LVRN: variants seen among roughly 807,000 people sequenced by gnomAD.
LVRN encodes the protein aminopeptidase Q.
LVRN carries 99 observed loss-of-function variants against 111.4 expected under a neutral mutation model. The observed-to-expected ratio is 0.89, with a 90% CI of 0.76 to 1.05. The LOEUF (loss-of-function observed/expected upper bound fraction) is 1.05, where lower values mean the gene tolerates loss of function less well. LVRN is among the 50% of genes least tolerant of loss of function. LVRN has a pLI of 0.00. For synonymous variants in LVRN, 488 were observed against 449.5 expected (o/e 1.09, Z -1.08); for missense variants, 1,414 against 1,206.8 (o/e 1.17, Z -2.54).
rs887264793 is a variant in LVRN at position 115,993,767 on chromosome 5, T to A, written c.1287T>A (p.Asn429Lys). 42 of 1,608,492 alleles carry A rather than the reference T, an allele frequency of 2.6e-5. No homozygotes were observed. Among genetic ancestry groups the A allele is most frequent in the Non-Finnish European group, 3.3e-5 (39 of 1,178,658 alleles). Reference sequence around the variant, plus strand: ...GGTTTGGAAACTTGGTTACCATGAATTGGTGGAACAATATCTGGCTCAACG... The same window carrying A: ...GGTTTGGAAACTTGGTTACCATGAAATGGTGGAACAATATCTGGCTCAACG... The part of the protein sequence containing the change: ...HQWFGNLVTM[N>K]WWNNIWLNEG... Residue 429 changes from asparagine to lysine, a missense_variant, in exon 6 of 20, where the codon AAT becomes AAA. By Grantham distance (94) the Asn-to-Lys change is moderately conservative. Transcript: ENST00000357872.
chr5:115,968,557 G>C (rs1418170990), intron 1 of LVRN, among the ~76,000 whole-genome samples: 3 of 151,012 alleles, frequency 2.0e-5, no homozygotes, highest in African/African-American at 7.3e-5. Context: ...TCTTGTCTCA[G>C]CCTCCTGACT....
intron 13 of LVRN, among the ~76,000 whole-genome samples, chr5:116,007,738 G>T (rs1314584593): frequency 1.3e-5 from 2 of 152,164 alleles, no homozygotes; most frequent in African/African-American, 4.8e-5. Flanking sequence ...TTGAAGATTT[G>T]TGATAACTCT....
chr5:115,999,516 T>C (rs115117803), intron 6 of LVRN, among the ~76,000 whole-genome samples: 1,721 of 152,316 alleles, frequency 0.011, 36 homozygotes, highest in African/African-American at 0.033. Flanking sequence ...GGAAACCACA[T>C]TAACTTTGTA....
intron 17 of LVRN, 99 bp downstream of exon 17, chr5:116,015,518 C>T (rs923098876): frequency 6.8e-6 from 10 of 1,462,534 alleles, no homozygotes; most frequent in East Asian, 4.8e-5. Flanking sequence ...TAAAACGTTG[C>T]GTATTTGTGC....
chr5:115,976,555 A>G (rs1406829316), intron 1 of LVRN, among the ~76,000 whole-genome samples: 1 of 152,124 alleles, frequency 6.6e-6, no homozygotes, highest in Non-Finnish European at 1.5e-5. Context: ...TTTATTTCTC[A>G]TATAGGCATT....
At chr5:115,968,793 C>T (rs1753257922) in intron 1 of LVRN, among the ~76,000 whole-genome samples, 1 of 152,130 alleles carries the variant, frequency 6.6e-6, no homozygotes, top group Non-Finnish European at 1.5e-5. Flanking sequence ...AGTAAGTATT[C>T]CCAGGAAAAA....
chr5:116,013,782 T>G (rs183042951), intron 15 of LVRN, among the ~76,000 whole-genome samples: 33 of 152,306 alleles, frequency 2.2e-4, no homozygotes, highest in African/African-American at 6.7e-4. Flanking sequence ...AGGCATCACT[T>G]ACCTGGATTT....
In LVRN at chr5:115,962,723, T is replaced by A. The variant is rs767621151; in HGVS notation, c.106T>A (p.Leu36Met). ...LLLALAVLAA[L>M]YGHCERVPPS... ...GCTGGCGCTGGCCGTACTCGCCGCCTTGTACGGCCACTGCGAGCGCGTCCC... is the reference window on the plus strand; with the variant it reads ...GCTGGCGCTGGCCGTACTCGCCGCCATGTACGGCCACTGCGAGCGCGTCCC... The change falls in exon 1 of 20, where the codon TTG becomes ATG. Residue 36 changes from leucine to methionine, a missense_variant. Coordinates refer to ENST00000357872, the MANE Select transcript of LVRN (RefSeq NM_173800.5). The A allele has an allele frequency of 6.2e-7, 1 of 1,612,106 alleles. No homozygotes were observed. The highest frequency in any genetic ancestry group is 8.5e-7 in the Non-Finnish European group (1 of 1,179,658).
chr5:115,990,161 C>A (rs749283980), intron 4 of LVRN, among the ~76,000 whole-genome samples: 1 of 152,098 alleles, frequency 6.6e-6, no homozygotes, highest in Non-Finnish European at 1.5e-5. Context: ...CATTTTAATT[C>A]ACTCTCAAGT....
chr5:115,999,372 T>C (rs1306788068), intron 6 of LVRN, among the ~76,000 whole-genome samples: 2 of 152,184 alleles, frequency 1.3e-5, no homozygotes, highest in African/African-American at 2.4e-5. Context: ...TAAATATTCA[T>C]GAAAGAGAGA....
chr5:116,005,653 T>A, intron 12 of LVRN: 1 of 499,804 alleles, frequency 2.0e-6, no homozygotes, highest in South Asian at 1.9e-5. Flanking sequence ...ATGGTATGTT[T>A]CAGGAGTATT....
intron 4 of LVRN, among the ~76,000 whole-genome samples, chr5:115,989,299 C>T (rs1243969103): frequency 2.0e-5 from 3 of 152,186 alleles, no homozygotes; most frequent in Non-Finnish European, 2.9e-5. Flanking sequence ...GGGAAGGATG[C>T]TCTAGCACTG....
chr5:116,002,202 T>G (rs1164771010), intron 10 of LVRN, among the ~76,000 whole-genome samples: 1 of 152,198 alleles, frequency 6.6e-6, no homozygotes, highest in Non-Finnish European at 1.5e-5. Flanking sequence ...GTTGACAGTC[T>G]TCAAGACACC....
chr5:116,027,464 CAG>C lies in LVRN; in HGVS notation c.*1347_*1348del, dbSNP rs1274380595. 1.3e-5 allele frequency: 2 copies of C among 152,170 alleles called. No homozygotes were observed. Among genetic ancestry groups the C allele is most frequent in the African/African-American group, 4.8e-5 (2 of 41,448 alleles). The allele number at this position is 152,170 out of a possible 1,614,324, so 9.4% of individuals were successfully genotyped here. ...TCACAAGAGGATTCTCCCTGAGTGT[CAG>C]GGGAGGCTGTGGGACTTCACCACGT... On this transcript the variant is annotated 3_prime_UTR_variant, in exon 20 of 20. Transcript: ENST00000357872.
intron 5 of LVRN, among the ~76,000 whole-genome samples, chr5:115,992,728 G>T (rs1349900340): frequency 6.6e-6 from 1 of 152,172 alleles, no homozygotes; most frequent in African/African-American, 2.4e-5. Flanking sequence ...GATTAGCAAG[G>T]TGGCAATAAT....
chr5:116,026,114 C>A lies in LVRN; in HGVS notation c.2969C>A (p.Thr990Lys). The change falls in exon 20 of 20, where the codon ACA becomes AAA. Residue 990 changes from threonine (T) to lysine (K), a missense_variant. By Grantham distance (78) the Thr-to-Lys change is moderately conservative. Transcript: ENST00000357872. Reference protein sequence around the residue: ...ARIAAWLRRNT With the variant: ...ARIAAWLRRNK ...ATAGCTGCGTGGCTAAGGAGAAACA[C>A]ATAGCTTGTGGCTATCTTTCAGCAC... The A allele has an allele frequency of 6.2e-7, 1 of 1,613,720 alleles. No individual in the cohort carries two copies. The highest frequency in any genetic ancestry group is 8.5e-7 in the Non-Finnish European group (1 of 1,179,766).
Position 115,992,234 on chromosome 5 carries a change from A to C in LVRN, c.1217A>C (p.Lys406Thr). The part of the protein sequence containing the change: ...LEPKDQLTEK[K>T]TLISYVVSHE... ...CCAAAAGATCAACTGACAGAAAAAA[A>C]GACTCTGATCTCCTATGTTGTCTCC... The change falls in exon 5 of 20, where the codon AAG (lysine) becomes ACG (threonine). Residue 406 changes from lysine to threonine, a missense_variant. By Grantham distance (78) the Lys-to-Thr change is moderately conservative. Coordinates refer to ENST00000357872, the MANE Select transcript of LVRN (RefSeq NM_173800.5). 1 of 1,614,034 alleles carries C rather than the reference A, an allele frequency of 6.2e-7. No homozygotes were observed. Among genetic ancestry groups the C allele is most frequent in the Non-Finnish European group, 8.5e-7 (1 of 1,179,924 alleles).
At chr5:116,021,469 T>A (rs186251212) in intron 18 of LVRN, 7 of 172,984 alleles carry the variant, frequency 4.0e-5, no homozygotes, top group Admixed American at 2.5e-4. Context: ...AGAGTTATAT[T>A]GTCCTTCACG....
At position 115,992,124 on chromosome 5, in the gene LVRN, T is replaced by C; in HGVS notation, c.1107T>C (p.Asp369=). Residue 369 remains aspartate, a splice_region_variant and synonymous_variant, in exon 5 of 20, where the codon GAT becomes GAC. Coordinates refer to ENST00000357872, the MANE Select transcript of LVRN (RefSeq NM_173800.5). ...TCTCCTCCATTTAAATCCACTTAGA[T>C]ATAATTGCCTTGCCTAGTTTTGACA... The part of the protein sequence containing the change: ...FNISYSLPKT[D]IIALPSFDNH... 1.2e-6 allele frequency: 2 copies of C among 1,610,468 alleles called. No individual in the cohort carries two copies. Among genetic ancestry groups the C allele is most frequent in the Admixed American group, 1.7e-5 (1 of 59,286 alleles).
Sources: allele counts gnomAD v4.1 joint callset (sites outside exome capture counted in the v4.1 genomes callset), GRCh38; gene constraint gnomAD v4.1.1; transcripts MANE v1.5; gene names NCBI Gene and HGNC (gene_info 2026-07-23, HGNC 2026-07-21).